The following ITPKB variants were observed in gnomAD, a reference collection of about 807,000 sequenced individuals.
ITPKB encodes inositol-trisphosphate 3-kinase B.
A neutral mutation model predicts 69.4 loss-of-function variants in ITPKB; 13 were observed. The ratio of observed to expected loss-of-function variants is 0.19; its 90% CI spans 0.12 to 0.30. The LOEUF is 0.30. ITPKB is among the 10% of genes least tolerant of loss of function. The pLI is 1.00. For synonymous variants in ITPKB, 584 were observed against 513.7 expected (o/e 1.14, Z -1.85); for missense variants, 1,240 against 1,250.5 (o/e 0.99, Z 0.13).
intron 6 of ITPKB, among the ~76,000 whole-genome samples, chr1:226,639,184 AG>A (rs893138781): frequency 6.6e-6 from 1 of 151,620 alleles, no homozygotes; most frequent in Non-Finnish European, 1.5e-5. Context: ...CAGCATCCCA[AG>A]TAGCTGGAAT....
At chr1:226,725,131 A>C (rs1657369926) in intron 2 of ITPKB, among the ~76,000 whole-genome samples, 1 of 152,238 alleles carries the variant, frequency 6.6e-6, no homozygotes, top group Non-Finnish European at 1.5e-5. Flanking sequence ...TTTAATGAAC[A>C]TGCTTGCTCA....
chr1:226,658,094 A>G (rs943225200), intron 2 of ITPKB, among the ~76,000 whole-genome samples: 1 of 152,222 alleles, frequency 6.6e-6, no homozygotes, highest in African/African-American at 2.4e-5. Flanking sequence ...TGCTCTTGCA[A>G]AAGTCTGAGT....
Position 226,641,510 on chromosome 1 carries a change from T to C in ITPKB, c.2451+411A>G, listed in dbSNP as rs1429960189. Among the ~76,000 whole-genome samples, 2 of 152,272 alleles carry C rather than the reference T, an allele frequency of 1.3e-5. No individual in the cohort carries two copies. The highest frequency in any genetic ancestry group is 6.5e-5 in the Admixed American group (1 of 15,286). ...AGAGAATGCAGTTTCTCAGAGACCC[T>C]GGCTCCAACATCAAAGGCGGTCAGC... On this transcript the variant is annotated intron_variant, in intron 5 of 7. Transcript: ENST00000429204. The surrounding 1 kb of genome is among the most constrained non-coding windows in gnomAD (Gnocchi z 4.6).
At chr1:226,688,788 A>AG (rs1656277053) in intron 2 of ITPKB, among the ~76,000 whole-genome samples, 1 of 152,214 alleles carries the variant, frequency 6.6e-6, no homozygotes. Flanking sequence ...GGACGCTGGT[A>AG]TGACTCTCAC....
In ITPKB at chr1:226,736,009, C is replaced by T. The variant is rs753690167; in HGVS notation, c.1450G>A (p.Ala484Thr). ...RMLEPLPCWDAAKDLKEPQCP... is the reference protein window; with the variant it reads ...RMLEPLPCWDTAKDLKEPQCP... ...TGAGGTTCTTTCAGATCTTTCGCAG[C>T]GTCCCAACAGGGCAAAGGCTCCAGC... The change falls in exon 2 of 8, where the codon GCT (alanine) becomes ACT (threonine). Residue 484 changes from alanine (A) to threonine (T), a missense_variant. Physicochemically the swap from Ala to Thr is moderately conservative, Grantham distance 58. Transcript: ENST00000429204. The T allele has an allele frequency of 1.9e-5, 31 of 1,613,842 alleles. No homozygotes were observed. Among genetic ancestry groups the T allele is most frequent in the East Asian group, 1.8e-4 (8 of 44,870 alleles).
chr1:226,697,256 T>C (rs1656512137), intron 2 of ITPKB, among the ~76,000 whole-genome samples: 1 of 152,238 alleles, frequency 6.6e-6, no homozygotes, highest in Non-Finnish European at 1.5e-5. Context: ...ATAGTTGCTG[T>C]GAGGCGTGAT....
At chr1:226,684,359 G>A (rs1413570302) in intron 2 of ITPKB, among the ~76,000 whole-genome samples, 1 of 152,182 alleles carries the variant, frequency 6.6e-6, no homozygotes, top group African/African-American at 2.4e-5. Context: ...ACCAGCCAGG[G>A]AGCAGAGCAG....
intron 2 of ITPKB, among the ~76,000 whole-genome samples, chr1:226,658,781 C>T (rs1669346265): frequency 1.3e-5 from 2 of 152,050 alleles, no homozygotes; most frequent in East Asian, 1.9e-4. Context: ...GATTACTGAG[C>T]GCTGTCGGGT....
chr1:226,700,225 C>T (rs1320257162), intron 2 of ITPKB, among the ~76,000 whole-genome samples: 1 of 152,090 alleles, frequency 6.6e-6, no homozygotes, highest in Admixed American at 6.5e-5. Flanking sequence ...AATCCCAGGA[C>T]TTTGGTAGGC....
chr1:226,646,715 T>C (rs1192171021), intron 4 of ITPKB, among the ~76,000 whole-genome samples: 1 of 152,012 alleles, frequency 6.6e-6, no homozygotes. Context: ...TACTAGCCAC[T>C]CTCTCTTCCC....
At chr1:226,695,887 G>A (rs996693746) in intron 2 of ITPKB, among the ~76,000 whole-genome samples, 6 of 152,206 alleles carry the variant, frequency 3.9e-5, no homozygotes, top group Admixed American at 1.3e-4. Flanking sequence ...TAAGATGAGG[G>A]AAGAGAGGGA....
chr1:226,730,570 C>G (rs1657560296), intron 2 of ITPKB, among the ~76,000 whole-genome samples: 2 of 152,220 alleles, frequency 1.3e-5, no homozygotes, highest in African/African-American at 4.8e-5. Flanking sequence ...ACAGAACCTT[C>G]TACCCTGAGG....
At chr1:226,691,918 G>C (rs1466164565) in intron 2 of ITPKB, among the ~76,000 whole-genome samples, 1 of 152,180 alleles carries the variant, frequency 6.6e-6, no homozygotes, top group African/African-American at 2.4e-5. Context: ...TGGTCACCCA[G>C]GGCCCACCTG....
intron 2 of ITPKB, among the ~76,000 whole-genome samples, chr1:226,650,232 C>T (rs1015074703): frequency 2.6e-5 from 4 of 152,192 alleles, no homozygotes; most frequent in Non-Finnish European, 5.9e-5. Flanking sequence ...GAGACTCAGC[C>T]GCTTCTGTCA....
intron 2 of ITPKB, among the ~76,000 whole-genome samples, chr1:226,661,468 C>T (rs1669401349): frequency 6.6e-6 from 1 of 152,212 alleles, no homozygotes. Context: ...GGCAGGCTGG[C>T]TGCGGATCCA....
intron 2 of ITPKB, among the ~76,000 whole-genome samples, chr1:226,653,867 C>A (rs941131466): frequency 6.6e-6 from 1 of 152,224 alleles, no homozygotes; most frequent in African/African-American, 2.4e-5. Flanking sequence ...CTCCTGGTTA[C>A]AAGAGCACTG....
Position 226,725,827 on chromosome 1 carries a change from G to A in ITPKB, c.1932+9700C>T, listed in dbSNP as rs914904904. 1.2e-4 allele frequency among the ~76,000 whole-genome samples: 19 copies of A among 152,324 alleles called. 1 individual carries two copies. The highest frequency in any genetic ancestry group is 3.9e-4 in the East Asian group (2 of 5,188). Reference sequence around the variant, plus strand: ...ACGATGCTGCGGCTGAAGTGAAACCGGGGCGTTATCCAGAATATCTCCTCA... The same window carrying A: ...ACGATGCTGCGGCTGAAGTGAAACCAGGGCGTTATCCAGAATATCTCCTCA... On this transcript the variant is annotated intron_variant, in intron 2 of 7. Coordinates refer to ENST00000429204, the MANE Select transcript of ITPKB (RefSeq NM_002221.4).
chr1:226,668,879 C>A (rs2102764394), intron 2 of ITPKB: 1 of 152,286 alleles, frequency 6.6e-6, no homozygotes, highest in South Asian at 2.1e-4. Flanking sequence ...AGTTTTTATT[C>A]ATTACTGCTA....
At chr1:226,681,564 T>C (rs1656094693) in intron 2 of ITPKB, among the ~76,000 whole-genome samples, 1 of 152,110 alleles carries the variant, frequency 6.6e-6, no homozygotes, top group East Asian at 1.9e-4. Flanking sequence ...TGCAATCGCC[T>C]GGGGCATACA....
Sources: gnomAD v4.1 joint callset for allele counts (sites outside exome capture counted in the v4.1 genomes callset) on GRCh38, gnomAD v4.1.1 for gene constraint, Gnocchi (gnomAD v3.1) non-coding constraint, MANE v1.5 for transcripts, NCBI Gene and HGNC (gene_info 2026-07-23, HGNC 2026-07-21) for gene names.